The following PIEZO1 variants were observed in gnomAD, a reference collection of about 807,000 sequenced individuals.
The protein encoded by PIEZO1 is piezo-type mechanosensitive ion channel component 1.
A neutral mutation model predicts 297.2 loss-of-function variants in PIEZO1; 296 were observed. The observed-to-expected ratio is 1.00, with a 90% CI of 0.91 to 1.10. PIEZO1 has a LOEUF of 1.10. Among genes scored for constraint, PIEZO1 ranks in the 50% least tolerant of loss-of-function variants. PIEZO1 has a pLI of 0.00. For missense variants in PIEZO1, 5,018 were observed against 3,455.5 expected, an observed-to-expected ratio of 1.45 and a Z score of -11.34; for synonymous variants, 2,427 against 1,507.5, an observed-to-expected ratio of 1.61 and a Z score of -14.13.
chr16:88,761,564 C>T (rs1022151615), intron 1 of PIEZO1, among the ~76,000 whole-genome samples: 8 of 152,170 alleles, frequency 5.3e-5, no homozygotes, highest in African/African-American at 1.9e-4. Flanking sequence ...GGTGCCTTTG[C>T]GTTCTCCCCG....
In PIEZO1 at chr16:88,721,619, C is replaced by G; in HGVS notation, c.5322G>C (p.Leu1774=). Residue 1774 remains leucine, a synonymous_variant, in exon 38 of 51, where the codon CTG becomes CTC. Transcript: ENST00000301015. The part of the protein sequence containing the change: ...ENKPYFPPRI[L]GLEKTDGYIK... ...TGTAGCCGTCAGTCTTCTCCAGGCC[C>G]AGGATGCGGGGCGGGAAGTAGGGCT... The G allele has an allele frequency of 6.5e-7, 1 of 1,550,272 alleles. No homozygotes were observed. The highest frequency in any genetic ancestry group is 8.7e-7 in the Non-Finnish European group (1 of 1,146,902).
chr16:88,748,480 G>GA (rs397936611), intron 2 of PIEZO1, among the ~76,000 whole-genome samples: 1 of 105,188 alleles, frequency 9.5e-6, no homozygotes, highest in East Asian at 3.8e-4. Flanking sequence ...CCCAAGGGGG[G>GA]TCTCAGCTCC....
At position 88,725,739 on chromosome 16, in the gene PIEZO1, G is replaced by A. The variant is rs1474372775; in HGVS notation, c.3969-55C>T. 6 of 925,758 alleles carry A rather than the reference G, an allele frequency of 6.5e-6. No homozygotes were observed. The Admixed American group carries it at 1.0e-4, about 16-fold the overall frequency. 57.3% of individuals were successfully genotyped at this position (925,758 alleles called of 1,614,324 possible). A position where few individuals can be genotyped will look rare whatever the true frequency, so the allele number is the denominator to read the frequency against. On this transcript the variant is annotated intron_variant, in intron 27 of 50. Coordinates refer to ENST00000301015, the MANE Select transcript of PIEZO1 (RefSeq NM_001142864.4). The stretch of plus-strand genomic sequence containing the variant: ...ACCAGGCACTCGACCCCAGCAACAT[G>A]GGCAGCCGCCGCTCCCCGCTCAGCC...
Position 88,736,800 on chromosome 16 carries a change from T to TA in PIEZO1, c.1196-62dup, listed in dbSNP as rs1905251244. Reference sequence around the variant, plus strand: ...GATCTGCAGGCCTCCCCACCCTGACTATGCCCTAAAATCTGGGCCCTGGGC... The same window carrying TA: ...GATCTGCAGGCCTCCCCACCCTGACTAATGCCCTAAAATCTGGGCCCTGGGC... On this transcript the variant is annotated intron_variant, in intron 10 of 50. Transcript: ENST00000301015. 2.8e-6 allele frequency: 3 copies of TA among 1,085,456 alleles called. No individual in the cohort carries two copies. In the South Asian group the frequency reaches 4.5e-5, roughly 16 times the overall value. 67.2% of individuals were successfully genotyped at this position (1,085,456 alleles called of 1,614,324 possible). A position where few individuals can be genotyped will look rare whatever the true frequency, so the allele number is the denominator to read the frequency against.
chr16:88,765,685 T>G (rs1907144245), intron 1 of PIEZO1, among the ~76,000 whole-genome samples: 1 of 151,376 alleles, frequency 6.6e-6, no homozygotes, highest in Non-Finnish European at 1.5e-5. Context: ...TTTTTTTTTT[T>G]TTTGAGACAG....
intron 5 of PIEZO1, chr16:88,740,591 G>C (rs1905576553): frequency 6.6e-6 from 1 of 152,388 alleles, no homozygotes; most frequent in Non-Finnish European, 1.5e-5. Context: ...TGCCCCATGG[G>C]GTGGCGACAG....
intron 22 of PIEZO1, chr16:88,731,379 A>G (rs796249320): frequency 1.6e-5 from 5 of 321,626 alleles, no homozygotes; most frequent in East Asian, 6.5e-5. Flanking sequence ...GGTGTGAGGC[A>G]TCACGGCCGA....
In PIEZO1 at chr16:88,738,324, C is replaced by T. The variant is rs1259261856; in HGVS notation, c.751G>A (p.Ala251Thr). 30 of 1,535,776 alleles carry T rather than the reference C, an allele frequency of 2.0e-5. No homozygotes were observed. The highest frequency in any genetic ancestry group is 5.9e-5 in the South Asian group (5 of 84,072). The change falls in exon 7 of 51, where the codon GCG (alanine) becomes ACG (threonine). Residue 251 changes from alanine to threonine, a missense_variant. Physicochemically the swap from Ala to Thr is moderately conservative, Grantham distance 58. Transcript: ENST00000301015. ...STRGFSRLCV[A>T]VGCFGAGHLI... ...TGGCCGGCGCCGAAGCACCCCACCGCGACGCAGAGTCTGCTGAAGCCCCGA... is the reference window on the plus strand; with the variant it reads ...TGGCCGGCGCCGAAGCACCCCACCGTGACGCAGAGTCTGCTGAAGCCCCGA...
intron 16 of PIEZO1, 86 bp from the exon 17 acceptor site, chr16:88,734,140 TTCTGC>T: frequency 3.2e-6 from 3 of 941,556 alleles, no homozygotes; most frequent in Non-Finnish European, 4.1e-6. Context: ...TCGGCACCGC[TTCTGC>T]TGCAGCTGCC....
At chr16:88,777,939 C>T (rs1287005268) in intron 1 of PIEZO1, among the ~76,000 whole-genome samples, 1 of 152,370 alleles carries the variant, frequency 6.6e-6, no homozygotes, top group East Asian at 1.9e-4. Context: ...CCTGGGCAGG[C>T]GGCCTCCGCA....
intron 31 of PIEZO1, among the ~76,000 whole-genome samples, chr16:88,723,596 T>A (rs908911838): frequency 1.3e-5 from 2 of 151,854 alleles, no homozygotes; most frequent in African/African-American, 4.8e-5. Flanking sequence ...AGCACAAAGG[T>A]GTTGGGCCGG....
rs79120464 is a variant in PIEZO1 at position 88,756,414 on chromosome 16, G to A, written c.65-6935C>T. ...TGGGCTAATGGACCGGAAGGATCTC[G>A]TGTGACATGTCCTCAGGAACCACAC... On this transcript the variant is annotated intron_variant, in intron 1 of 50. Coordinates refer to ENST00000301015, the MANE Select transcript of PIEZO1 (RefSeq NM_001142864.4). Among the ~76,000 whole-genome samples the A allele has an allele frequency of 2.2e-4, 34 of 152,316 alleles. No homozygotes were observed. The East Asian group carries it at 2.9e-3, about 13-fold the overall frequency.
intron 1 of PIEZO1, among the ~76,000 whole-genome samples, chr16:88,762,465 C>T (rs547397436): frequency 6.6e-6 from 1 of 152,284 alleles, no homozygotes; most frequent in East Asian, 1.9e-4. Context: ...TCGACAATCC[C>T]GGGGACGGCA....
At chr16:88,733,824 G>T (rs1327698091) in intron 17 of PIEZO1, 79 bp from the exon 18 acceptor site, 14 of 1,465,986 alleles carry the variant, frequency 9.5e-6, no homozygotes, top group Non-Finnish European at 1.3e-5. Flanking sequence ...CTGGAGCCCA[G>T]AGGGGACTCT....
intron 1 of PIEZO1, among the ~76,000 whole-genome samples, chr16:88,760,130 C>A (rs959290201): frequency 2.0e-5 from 3 of 151,142 alleles, no homozygotes; most frequent in Non-Finnish European, 2.9e-5. Context: ...CCACCCCACA[C>A]GCCCACCTCG....
At chr16:88,781,349 G>A (rs1907927877) in intron 1 of PIEZO1, among the ~76,000 whole-genome samples, 1 of 152,240 alleles carries the variant, frequency 6.6e-6, no homozygotes. Context: ...TGTGTCCTGG[G>A]CACCAGTGAC....
rs999725091 is a variant in PIEZO1 at position 88,741,201 on chromosome 16, A to C, written c.465+277T>G. ...AGGTTTCCACCACCGCGTGGCCCCA[A>C]ATAATTCCCCTGTGAAGAGTTCCTA... On this transcript the variant is annotated intron_variant, in intron 5 of 50. Transcript: ENST00000301015. 3 of 329,552 alleles carry C rather than the reference A, an allele frequency of 9.1e-6. No individual in the cohort carries two copies. In the South Asian group the frequency reaches 1.3e-4, roughly 15 times the overall value. The allele number at this position is 329,552 out of a possible 1,614,324, so 20.4% of individuals were successfully genotyped here. A position where few individuals can be genotyped will look rare whatever the true frequency, so the allele number is the denominator to read the frequency against.
chr16:88,747,175 G>C (rs1440548194), intron 2 of PIEZO1, among the ~76,000 whole-genome samples: 1 of 151,338 alleles, frequency 6.6e-6, no homozygotes, highest in Non-Finnish European at 1.5e-5. Context: ...AGGCTGCAGT[G>C]AGCCATGATC....
chr16:88,720,367 G>A lies in PIEZO1; in HGVS notation c.5949+18C>T, dbSNP rs1186996179. 1 of 1,550,166 alleles carries A rather than the reference G, an allele frequency of 6.5e-7. No individual in the cohort carries two copies. The highest frequency in any genetic ancestry group is 2.0e-5 in the Admixed American group (1 of 50,980). The stretch of plus-strand genomic sequence containing the variant: ...TGAGCTCTGCGTACACTGGGTTTGG[G>A]TCCCGGGCCTGGCTCACCCCAAAGG... On this transcript the variant is annotated intron_variant, in intron 41 of 50. Transcript: ENST00000301015.
Sources: allele counts gnomAD v4.1 joint callset (sites outside exome capture counted in the v4.1 genomes callset), GRCh38; gene constraint gnomAD v4.1.1; transcripts MANE v1.5; gene names NCBI Gene and HGNC (gene_info 2026-07-23, HGNC 2026-07-21).